MOB3B: variants seen among roughly 807,000 people sequenced by gnomAD.
The protein encoded by MOB3B is MOB kinase activator 3B, also known as MOB kinase activator-like 2B.
Under a neutral mutation model 18.7 loss-of-function variants are expected in MOB3B, and 7 were observed. That is an observed-to-expected ratio of 0.37 (90% CI 0.21 to 0.70). The LOEUF (loss-of-function observed/expected upper bound fraction) is 0.70, where lower values mean the gene tolerates loss of function less well. Among genes scored for constraint, MOB3B ranks in the 30% least tolerant of loss-of-function variants. The probability of loss-of-function intolerance (pLI) is 0.52; values close to 1 mark genes in which losing one functional copy is unlikely to be tolerated. For synonymous variants in MOB3B, 111 were observed against 99.9 expected (o/e 1.11, Z -0.66); for missense variants, 253 against 281.3 (o/e 0.90, Z 0.72).
chr9:27,495,275 A>G (rs1479452953), intron 1 of MOB3B, among the ~76,000 whole-genome samples: 1 of 152,136 alleles, frequency 6.6e-6, no homozygotes, highest in Non-Finnish European at 1.5e-5. Context: ...AGGCTGCAGT[A>G]AGCCATGATT....
chr9:27,358,935 A>C (rs764936100), intron 3 of MOB3B, 99 bp downstream of exon 3: 9 of 1,222,626 alleles, frequency 7.4e-6, no homozygotes, highest in Non-Finnish European at 7.3e-6. Flanking sequence ...GCTAACAGCT[A>C]GCCATCAATG....
At chr9:27,483,749 C>G (rs923010333) in intron 1 of MOB3B, among the ~76,000 whole-genome samples, 1 of 152,084 alleles carries the variant, frequency 6.6e-6, no homozygotes, top group Non-Finnish European at 1.5e-5. Flanking sequence ...GAACTAAGGC[C>G]TCAGAAAATC....
chr9:27,326,743 G>A lies in MOB3B; in HGVS notation c.*3844C>T. The A allele has an allele frequency of 2.5e-6, 1 of 396,638 alleles. No individual in the cohort carries two copies. The highest frequency in any genetic ancestry group is 4.4e-6 in the Non-Finnish European group (1 of 225,348). 24.6% of individuals were successfully genotyped at this position (396,638 alleles called of 1,614,324 possible). A position where few individuals can be genotyped will look rare whatever the true frequency, so the allele number is the denominator to read the frequency against. ...GAGAAAACGAACAATTTAAGAAGCA[G>A]GAAATGACTCTAGATCAGTATTTCT... On this transcript the variant is annotated 3_prime_UTR_variant, in exon 4 of 4. Transcript: ENST00000262244.
intron 2 of MOB3B, among the ~76,000 whole-genome samples, chr9:27,446,884 T>C (rs1262207914): frequency 2.6e-5 from 4 of 152,216 alleles, no homozygotes; most frequent in Non-Finnish European, 5.9e-5. Flanking sequence ...TCCTTTTAAC[T>C]ACTCCATCCC....
chr9:27,451,020 G>A (rs994472519), intron 2 of MOB3B, among the ~76,000 whole-genome samples: 1 of 152,060 alleles, frequency 6.6e-6, no homozygotes, highest in African/African-American at 2.4e-5. Flanking sequence ...TCATGTAATT[G>A]TTTTATACAT....
chr9:27,411,043 G>GT (rs1822058104), intron 2 of MOB3B, among the ~76,000 whole-genome samples: 1 of 152,232 alleles, frequency 6.6e-6, no homozygotes. Flanking sequence ...TGGTTCTGCT[G>GT]TGAGTCTGTG....
chr9:27,488,521 C>T (rs569550384), intron 1 of MOB3B, among the ~76,000 whole-genome samples: 1 of 152,310 alleles, frequency 6.6e-6, no homozygotes, highest in South Asian at 2.1e-4. Context: ...AATTCTCCTG[C>T]CTCAGCCTCC....
chr9:27,445,484 G>A (rs1224038955), intron 2 of MOB3B, among the ~76,000 whole-genome samples: 1 of 152,124 alleles, frequency 6.6e-6, no homozygotes, highest in East Asian at 1.9e-4. Context: ...CTGCCCACAG[G>A]TAGTTTCTAG....
Position 27,346,873 on chromosome 9 carries a change from G to A in MOB3B, c.621+12161C>T, listed in dbSNP as rs569995638. On this transcript the variant is annotated intron_variant, in intron 3 of 3. Transcript: ENST00000262244. ...TAGCCAGTTGTGGTGGCACGCACCT[G>A]TAGTCCCAGCTACTCGGGAGTCTGA... is the stretch of plus-strand genomic sequence containing the variant. Among the ~76,000 whole-genome samples, 5 of 152,242 alleles carry A rather than the reference G, an allele frequency of 3.3e-5. No homozygotes were observed. The East Asian group carries it at 9.7e-4, about 29-fold the overall frequency.
At chr9:27,464,828 C>T (rs1365859884) in intron 1 of MOB3B, among the ~76,000 whole-genome samples, 1 of 152,094 alleles carries the variant, frequency 6.6e-6, no homozygotes, top group Non-Finnish European at 1.5e-5. Context: ...CCCTGATAAA[C>T]CCATCAGATC....
intron 2 of MOB3B, among the ~76,000 whole-genome samples, chr9:27,400,906 T>C (rs1821868449): frequency 6.6e-6 from 1 of 152,234 alleles, no homozygotes; most frequent in Non-Finnish European, 1.5e-5. Flanking sequence ...CAAAAGTATC[T>C]GAGACCCATA....
chr9:27,493,160 C>A (rs1819845843), intron 1 of MOB3B, among the ~76,000 whole-genome samples: 1 of 152,094 alleles, frequency 6.6e-6, no homozygotes, highest in Non-Finnish European at 1.5e-5. Flanking sequence ...TTTTTTGAGA[C>A]AGAATCTTGC....
At chr9:27,380,528 C>T (rs868440632) in intron 2 of MOB3B, among the ~76,000 whole-genome samples, 10 of 152,122 alleles carry the variant, frequency 6.6e-5, no homozygotes, top group Non-Finnish European at 1.5e-4. Flanking sequence ...TGAGCCACCA[C>T]GCCCCGCCAA....
chr9:27,386,190 C>T (rs144046058), intron 2 of MOB3B, among the ~76,000 whole-genome samples: 28 of 152,310 alleles, frequency 1.8e-4, no homozygotes, highest in African/African-American at 5.8e-4. Flanking sequence ...CTTTGGGCAG[C>T]CGACTTCTCT....
At chr9:27,362,935 C>G (rs755021722) in intron 2 of MOB3B, among the ~76,000 whole-genome samples, 46 of 152,290 alleles carry the variant, frequency 3.0e-4, no homozygotes, top group Admixed American at 9.8e-4. Flanking sequence ...AGAGGTTATC[C>G]CTTCAGATGG....
intron 1 of MOB3B, 103 bp downstream of exon 1, chr9:27,529,452 G>T: frequency 1.4e-6 from 1 of 722,274 alleles, no homozygotes; most frequent in Non-Finnish European, 1.7e-6. Context: ...TTGCACCCGC[G>T]CCCAGGTGCG....
chr9:27,434,641 T>C (rs1424383184), intron 2 of MOB3B, among the ~76,000 whole-genome samples: 3 of 152,004 alleles, frequency 2.0e-5, no homozygotes, highest in African/African-American at 7.3e-5. Flanking sequence ...GAACTCCTCC[T>C]CCAAGATTCT....
chr9:27,500,137 T>C (rs1563884026), intron 1 of MOB3B, among the ~76,000 whole-genome samples: 1 of 152,076 alleles, frequency 6.6e-6, no homozygotes, highest in East Asian at 1.9e-4. Flanking sequence ...AGCAGAAACC[T>C]AGAACTGAAA....
At chr9:27,424,332 G>A (rs770390498) in intron 2 of MOB3B, among the ~76,000 whole-genome samples, 2 of 152,178 alleles carry the variant, frequency 1.3e-5, no homozygotes, top group African/African-American at 4.8e-5. Context: ...ACCAAATGAA[G>A]CCATGTCCCA....
Sources: allele counts gnomAD v4.1 joint callset (sites outside exome capture counted in the v4.1 genomes callset), GRCh38; gene constraint gnomAD v4.1.1; transcripts MANE v1.5; gene names NCBI Gene and HGNC (gene_info 2026-07-23, HGNC 2026-07-21).